Variants in SEPTIN7 observed in about 807,000 individuals in gnomAD.
SEPTIN7 encodes septin-7.
SEPTIN7 carries 10 observed loss-of-function variants against 63.3 expected under a neutral mutation model. The observed-to-expected ratio is 0.16, with a 90% CI of 0.10 to 0.27. The LOEUF is 0.27. Ranked by LOEUF, SEPTIN7 falls within the 10% of genes least tolerant of loss-of-function variation. The pLI is 1.00. For missense variants in SEPTIN7, 310 were observed against 521.0 expected, an observed-to-expected ratio of 0.59 and a Z score of 3.94; for synonymous variants, 131 against 165.3, an observed-to-expected ratio of 0.79 and a Z score of 1.59.
intron 3 of SEPTIN7, among the ~76,000 whole-genome samples, chr7:35,853,873 A>G (rs1195140322): frequency 6.6e-6 from 1 of 152,174 alleles, no homozygotes; most frequent in Non-Finnish European, 1.5e-5. Flanking sequence ...AGTAGAACAT[A>G]CTGCCTGGTG....
At chr7:35,915,046 T>A in the SEPTIN7 span, among the ~76,000 whole-genome samples, 1 of 151,734 alleles carries the variant, frequency 6.6e-6, no homozygotes, top group Non-Finnish European at 1.5e-5. Context: ...CATATATGTA[T>A]ATATGTATAT....
chr7:35,866,021 A>C (rs116817349), intron 4 of SEPTIN7, among the ~76,000 whole-genome samples: 1 of 152,228 alleles, frequency 6.6e-6, no homozygotes, highest in African/African-American at 2.4e-5. Context: ...GAATATCTCT[A>C]GGAGGATTTT....
chr7:35,808,223 C>G (rs1204300522), intron 1 of SEPTIN7, among the ~76,000 whole-genome samples: 4 of 152,068 alleles, frequency 2.6e-5, no homozygotes, highest in Non-Finnish European at 5.9e-5. Flanking sequence ...TACTTCTACC[C>G]CCAAGTCACC....
chr7:35,826,277 T>C (rs1487998997), intron 1 of SEPTIN7, among the ~76,000 whole-genome samples: 2 of 151,908 alleles, frequency 1.3e-5, no homozygotes, highest in African/African-American at 4.8e-5. Flanking sequence ...AGTAAACTTC[T>C]GCATTAATAT....
chr7:35,830,845 T>A (rs1364186747), intron 1 of SEPTIN7, among the ~76,000 whole-genome samples: 2 of 152,198 alleles, frequency 1.3e-5, no homozygotes, highest in African/African-American at 4.8e-5. Flanking sequence ...GTCTCCTCTT[T>A]CCATCTGTTT....
At chr7:35,824,357 G>A (rs944577046) in intron 1 of SEPTIN7, among the ~76,000 whole-genome samples, 2 of 152,004 alleles carry the variant, frequency 1.3e-5, no homozygotes, top group Non-Finnish European at 2.9e-5. Context: ...CTTTTCCTAG[G>A]TTTGTTTAGG....
chr7:35,802,276 A>G (rs74849143), intron 1 of SEPTIN7: 33,171 of 362,108 alleles, frequency 0.092, 1,926 homozygotes, highest in South Asian at 0.17. Flanking sequence ...TGTGTATAGT[A>G]AGAAATAAGC....
intron 3 of SEPTIN7, among the ~76,000 whole-genome samples, chr7:35,841,443 A>G (rs1376742362): frequency 6.6e-6 from 1 of 152,210 alleles, no homozygotes; most frequent in African/African-American, 2.4e-5. Flanking sequence ...AAAATAATAC[A>G]AGAAACTCCA....
intron 11 of SEPTIN7, among the ~76,000 whole-genome samples, chr7:35,896,378 T>C (rs1394160870): frequency 1.3e-5 from 2 of 152,212 alleles, no homozygotes; most frequent in African/African-American, 4.8e-5. Context: ...GATTGTTTCT[T>C]TTTTAGAGAC....
intron 4 of SEPTIN7, among the ~76,000 whole-genome samples, chr7:35,864,039 G>A (rs1226501922): frequency 3.3e-5 from 5 of 151,546 alleles, no homozygotes; most frequent in Admixed American, 1.3e-4. Context: ...AGCCCATGTG[G>A]CAAGTGGCTG....
chr7:35,908,703 C>T (rs376833195), downstream of SEPTIN7, among the ~76,000 whole-genome samples: 28 of 152,256 alleles, frequency 1.8e-4, no homozygotes, highest in East Asian at 1.9e-3. Context: ...GTTCTCTCTT[C>T]GAGGTGGGCC....
At chr7:35,805,811 C>T (rs563228839) in intron 1 of SEPTIN7, among the ~76,000 whole-genome samples, 14 of 152,168 alleles carry the variant, frequency 9.2e-5, no homozygotes, top group Non-Finnish European at 1.6e-4. Context: ...CCTCCTTCCC[C>T]ACTGATCTGG....
intron 3 of SEPTIN7, among the ~76,000 whole-genome samples, chr7:35,858,314 C>T (rs1785311986): frequency 6.6e-6 from 1 of 152,012 alleles, no homozygotes; most frequent in African/African-American, 2.4e-5. Context: ...TATGGTTTGT[C>T]AGTTTTGTTT....
chr7:35,847,278 G>T, intron 3 of SEPTIN7: 1 of 158,824 alleles, frequency 6.3e-6, no homozygotes, highest in South Asian at 1.8e-4. Flanking sequence ...GGATTCCTGC[G>T]ATTCTTGAAC....
intron 1 of SEPTIN7, among the ~76,000 whole-genome samples, chr7:35,808,863 G>T (rs2115682073): frequency 6.6e-6 from 1 of 152,260 alleles, no homozygotes. Context: ...TTAATTTCCA[G>T]TGTTTTGCTA....
intron 3 of SEPTIN7, among the ~76,000 whole-genome samples, chr7:35,845,323 GTTT>G (rs1216365307): frequency 6.6e-6 from 1 of 151,814 alleles, no homozygotes; most frequent in East Asian, 1.9e-4. Context: ...TCATGACTTA[GTTT>G]TAAGATCCAA....
chr7:35,802,749 C>A (rs1353408465), intron 1 of SEPTIN7, among the ~76,000 whole-genome samples: 1 of 151,476 alleles, frequency 6.6e-6, no homozygotes, highest in African/African-American at 2.4e-5. Context: ...TCAGCTATTG[C>A]TGCTTGGATT....
chr7:35,857,765 T>C (rs1172884354), intron 3 of SEPTIN7, among the ~76,000 whole-genome samples: 7 of 152,056 alleles, frequency 4.6e-5, no homozygotes, highest in African/African-American at 1.7e-4. Flanking sequence ...TTAAAGAGTA[T>C]TAAAAAAGCA....
chr7:35,823,659 A>C (rs6970193), intron 1 of SEPTIN7, among the ~76,000 whole-genome samples: 110 of 152,242 alleles, frequency 7.2e-4, no homozygotes, highest in African/African-American at 2.5e-3. Flanking sequence ...CCTACAGCCA[A>C]TTTTATTGTA....
Sources: gnomAD v4.1 joint callset for allele counts (sites outside exome capture counted in the v4.1 genomes callset) on GRCh38, gnomAD v4.1.1 for gene constraint, MANE v1.5 for transcripts, NCBI Gene and HGNC (gene_info 2026-07-23, HGNC 2026-07-21) for gene names.